ATG4A: variants seen among roughly 807,000 people sequenced by gnomAD.
ATG4A encodes cysteine protease ATG4A.
A neutral mutation model predicts 38.4 loss-of-function variants in ATG4A; 22 were observed. The observed-to-expected ratio is 0.57, with a 90% CI of 0.41 to 0.82. The LOEUF (loss-of-function observed/expected upper bound fraction) is 0.82, where lower values mean the gene tolerates loss of function less well. ATG4A is among the 40% of genes least tolerant of loss of function. The pLI, the probability that ATG4A is intolerant of heterozygous loss-of-function variation, is 0.00. For synonymous variants in ATG4A, 86 were observed against 100.7 expected (o/e 0.85, Z 0.88); for missense variants, 220 against 290.0 (o/e 0.76, Z 1.75).
chrX:108,148,226 A>T (rs987518220), intron 9 of ATG4A, among the ~76,000 whole-genome samples: 5 of 106,712 alleles, frequency 4.7e-5, no homozygotes, highest in Admixed American at 4.1e-4. Flanking sequence ...TGGGAGAAAG[A>T]CGTAGGCTGG....
intron 1 of ATG4A, among the ~76,000 whole-genome samples, chrX:108,113,789 A>C (rs1352370948): frequency 1.8e-5 from 2 of 111,545 alleles, no homozygotes; most frequent in Non-Finnish European, 3.8e-5. Context: ...TATCACGAGA[A>C]TAGCACGGGA....
intron 7 of ATG4A, 61 bp from the exon 8 acceptor site, chrX:108,137,743 G>A: frequency 9.5e-7 from 1 of 1,054,106 alleles, no homozygotes; most frequent in Non-Finnish European, 1.3e-6. Context: ...TTTTGATATT[G>A]GAATATCTTC....
intron 1 of ATG4A, among the ~76,000 whole-genome samples, chrX:108,107,237 C>T (rs749339727): frequency 6.3e-5 from 7 of 111,310 alleles, no homozygotes; most frequent in Middle Eastern, 4.6e-3. Context: ...ATTGTTCAAT[C>T]GCATAATTTC....
chrX:108,135,134 G>A (rs1001140904), intron 6 of ATG4A, among the ~76,000 whole-genome samples: 4 of 112,235 alleles, frequency 3.6e-5, no homozygotes, highest in African/African-American at 1.3e-4. Flanking sequence ...CACCTTACCT[G>A]TTGTCACTCT....
chrX:108,149,353 G>A (rs1464177683), intron 9 of ATG4A, among the ~76,000 whole-genome samples: 1 of 112,524 alleles, frequency 8.9e-6, no homozygotes, highest in Non-Finnish European at 1.9e-5. Context: ...AACATTAGAG[G>A]GACTGTCAGC....
chrX:108,123,815 C>T (rs1028509716), intron 1 of ATG4A, among the ~76,000 whole-genome samples: 7 of 111,473 alleles, frequency 6.3e-5, no homozygotes, highest in South Asian at 3.8e-4. Flanking sequence ...ACTAATTTGA[C>T]GAGATAACTG....
At chrX:108,097,732 C>T (rs1029274743) in intron 1 of ATG4A, among the ~76,000 whole-genome samples, 1 of 111,786 alleles carries the variant, frequency 8.9e-6, no homozygotes, top group Non-Finnish European at 1.9e-5. Flanking sequence ...TGAGGGTATA[C>T]GCAAATCAAT....
chrX:108,089,002 T>C (rs906763902), upstream of ATG4A: 1 of 360,669 alleles, frequency 2.8e-6, no homozygotes, highest in African/African-American at 2.6e-5. Context: ...TACTTACTGG[T>C]ATAAGACAGA....
intron 1 of ATG4A, among the ~76,000 whole-genome samples, chrX:108,115,122 T>C (rs1569303557): frequency 9.6e-6 from 1 of 103,837 alleles, no homozygotes; most frequent in Non-Finnish European, 2.0e-5. Context: ...TGTATGCGTG[T>C]GTGTGTGTGT....
At chrX:108,108,369 T>C (rs1332574731) in intron 1 of ATG4A, among the ~76,000 whole-genome samples, 1 of 108,646 alleles carries the variant, frequency 9.2e-6, no homozygotes, top group African/African-American at 3.3e-5. Context: ...TGTATATATA[T>C]ATATTTATTT....
intron 6 of ATG4A, 44 bp from the exon 7 acceptor site, chrX:108,137,047 T>C: frequency 9.1e-7 from 1 of 1,100,098 alleles, no homozygotes; most frequent in South Asian, 1.9e-5. Context: ...CTGCTGATAT[T>C]TCCATCTTCC....
intron 1 of ATG4A, among the ~76,000 whole-genome samples, chrX:108,113,499 G>C (rs932308857): frequency 3.9e-4 from 44 of 111,515 alleles, no homozygotes; most frequent in African/African-American, 1.4e-3. Context: ...GGGGAGAGCA[G>C]TTTTCAGGGG....
At chrX:108,135,405 AG>A (rs1272156933) in intron 6 of ATG4A, among the ~76,000 whole-genome samples, 3 of 112,371 alleles carry the variant, frequency 2.7e-5, no homozygotes, top group African/African-American at 9.7e-5. Context: ...AAGTACAGAC[AG>A]GACCCTGTTT....
intron 11 of ATG4A, among the ~76,000 whole-genome samples, chrX:108,152,472 C>T (rs1055097618): frequency 9.0e-6 from 1 of 111,548 alleles, no homozygotes; most frequent in Non-Finnish European, 1.9e-5. Context: ...CACAGGTGAT[C>T]TGCCCACCTC....
intron 9 of ATG4A, among the ~76,000 whole-genome samples, chrX:108,147,591 G>C (rs773585243): frequency 9.9e-5 from 11 of 111,430 alleles, no homozygotes; most frequent in East Asian, 2.8e-4. Context: ...GCAGATTTTA[G>C]GTTCAATATC....
Position 108,137,103 on chromosome X carries a change from A to G in ATG4A, c.480A>G (p.Leu160=). 8.3e-7 allele frequency: 1 copy of G among 1,206,372 alleles called. No homozygotes were observed. The highest frequency in any genetic ancestry group is 1.1e-6 in the Non-Finnish European group (1 of 892,033). Residue 160 remains leucine (L), a synonymous_variant, in exon 7 of 13, where the codon TTA becomes TTG. Coordinates refer to ENST00000372232, the MANE Select transcript of ATG4A (RefSeq NM_052936.5). ...TVAQVLKKLA[L]FDEWNSLAVY... ...CATTGCTTTGCAGAAAACTTGCTTT[A>G]TTTGACGAATGGAATTCCTTGGCTG...
intron 1 of ATG4A, among the ~76,000 whole-genome samples, chrX:108,112,114 A>G (rs1278249540): frequency 8.9e-6 from 1 of 112,182 alleles, no homozygotes; most frequent in Non-Finnish European, 1.9e-5. Flanking sequence ...TGGGGTATCC[A>G]TCCTCTCAAG....
intron 12 of ATG4A, 49 bp from the exon 13 acceptor site, chrX:108,153,593 C>T (rs373408920): frequency 2.7e-4 from 282 of 1,055,027 alleles, no homozygotes; most frequent in Non-Finnish European, 3.6e-4. Context: ...CTGACCACTT[C>T]AACCCAAGTG....
intron 1 of ATG4A, among the ~76,000 whole-genome samples, chrX:108,095,685 A>AT (rs1370933640): frequency 2.0e-5 from 2 of 98,599 alleles, no homozygotes; most frequent in Non-Finnish European, 4.1e-5. Flanking sequence ...ATTTATCCAC[A>AT]TTTTTTTTCT....
Sources: gnomAD v4.1 joint callset for allele counts (sites outside exome capture counted in the v4.1 genomes callset) on GRCh38, gnomAD v4.1.1 for gene constraint, MANE v1.5 for transcripts, NCBI Gene and HGNC (gene_info 2026-07-23, HGNC 2026-07-21) for gene names.